GABRB3: variants seen among roughly 807,000 people sequenced by gnomAD.
GABRB3 encodes gamma-aminobutyric acid receptor subunit beta-3.
A neutral mutation model predicts 52.1 loss-of-function variants in GABRB3; 14 were observed. The observed-to-expected ratio is 0.27, with a 90% CI of 0.18 to 0.42. The LOEUF (loss-of-function observed/expected upper bound fraction) is 0.42. GABRB3 is among the 10% of genes least tolerant of loss of function. The pLI, the probability that GABRB3 is intolerant of heterozygous loss-of-function variation, is 1.00. For missense variants in GABRB3, 307 were observed against 609.1 expected (o/e 0.50, Z 5.22); for synonymous variants, 260 against 232.3 (o/e 1.12, Z -1.08).
At chr15:26,690,360 TA>T (rs1199693273) in intron 3 of GABRB3, among the ~76,000 whole-genome samples, 1 of 152,094 alleles carries the variant, frequency 6.6e-6, no homozygotes, top group Non-Finnish European at 1.5e-5. Context: ...ATTACAGACA[TA>T]AGCCACCATG....
intron 3 of GABRB3, among the ~76,000 whole-genome samples, chr15:26,634,135 A>AC: frequency 6.6e-6 from 1 of 151,498 alleles, no homozygotes; most frequent in South Asian, 2.1e-4. Flanking sequence ...GGAGAGGGGC[A>AC]CCCCCCTTTC....
intron 4 of GABRB3, among the ~76,000 whole-genome samples, chr15:26,585,991 TTTTGTTTG>T (rs112657892): frequency 3.3e-5 from 5 of 152,064 alleles, no homozygotes; most frequent in Non-Finnish European, 7.4e-5. Context: ...TTAATTTTCT[TTTTGTTTG>T]TTTGTTTGTT....
At chr15:26,550,314 C>G (rs182156515) in intron 8 of GABRB3, among the ~76,000 whole-genome samples, 81 of 152,042 alleles carry the variant, frequency 5.3e-4, no homozygotes, top group African/African-American at 1.9e-3. Context: ...TCAAATAATC[C>G]CATTAGAAAG....
Position 26,626,630 on chromosome 15 carries a change from C to G in GABRB3, c.241-5096G>C, listed in dbSNP as rs558634580. On this transcript the variant is annotated intron_variant, in intron 3 of 8. Transcript: ENST00000311550. ...TGCTGATATTGATAGAATATCAAAC[C>G]AGCCATAACGTTCCCTTAAGTCAAA... Among the ~76,000 whole-genome samples the G allele has an allele frequency of 4.9e-3, 742 of 152,290 alleles. 7 individuals carry two copies. The highest frequency in any genetic ancestry group is 0.017 in the African/African-American group (717 of 41,564).
Position 26,621,728 on chromosome 15 carries a change from G to GA in GABRB3, c.241-195dup, listed in dbSNP as rs1393159997. Among the ~76,000 whole-genome samples, 1 of 152,178 alleles carries GA rather than the reference G, an allele frequency of 6.6e-6. No homozygotes were observed. Among genetic ancestry groups the GA allele is most frequent in the Middle Eastern group, 3.2e-3 (1 of 316 alleles). On this transcript the variant is annotated intron_variant, in intron 3 of 8. Transcript: ENST00000311550. This position sits in a 1 kb window ranked among gnomAD's most constrained non-coding sequence, Gnocchi z 4.1. ...CAAATACCAGTTTTAATAGGTACAT[G>GA]AGTCTGTGTGTGTCACGTATAGATG...
intron 3 of GABRB3, among the ~76,000 whole-genome samples, chr15:26,771,558 C>T (rs1178395026): frequency 1.3e-5 from 2 of 152,248 alleles, no homozygotes; most frequent in African/African-American, 4.8e-5. Context: ...GTTTTCAAAT[C>T]CCACGGCGTT....
chr15:26,682,904 A>C (rs1888283117), intron 3 of GABRB3, among the ~76,000 whole-genome samples: 1 of 152,188 alleles, frequency 6.6e-6, no homozygotes, highest in Non-Finnish European at 1.5e-5. Context: ...CTCAGCCTGG[A>C]GCCCAAAGAG....
intron 3 of GABRB3, among the ~76,000 whole-genome samples, chr15:26,712,405 G>A (rs951320499): frequency 2.0e-5 from 3 of 152,096 alleles, no homozygotes; most frequent in African/African-American, 7.2e-5. Context: ...GAGCAGCAAG[G>A]AGGCTGGGAG....
intron 3 of GABRB3, among the ~76,000 whole-genome samples, chr15:26,652,312 C>G (rs1206006576): frequency 2.0e-5 from 3 of 152,274 alleles, no homozygotes; most frequent in Middle Eastern, 3.4e-3. Context: ...CATATTGAAC[C>G]AAACTGTAAA....
At chr15:26,639,057 A>G (rs1169580999) in intron 3 of GABRB3, among the ~76,000 whole-genome samples, 2 of 152,158 alleles carry the variant, frequency 1.3e-5, no homozygotes, top group African/African-American at 2.4e-5. Flanking sequence ...ACCTGACATG[A>G]CAGCAAGAAG....
At chr15:26,714,996 T>C (rs117380151) in intron 3 of GABRB3, among the ~76,000 whole-genome samples, 1,575 of 151,946 alleles carry the variant, frequency 0.01, 26 homozygotes, top group Admixed American at 0.056. Context: ...TGCAAAAAAA[T>C]TACAAAGCCA....
rs557955231 is a variant in GABRB3, at chr15:26,629,439, C to T, written c.241-7905G>A. On this transcript the variant is annotated intron_variant, in intron 3 of 8. Transcript: ENST00000311550. ...ACACCGGGAAGAGACAGGCTGTCTCCTGGCACTGGCTCTTGGCTGTGGCAC... is the reference window on the plus strand; with the variant it reads ...ACACCGGGAAGAGACAGGCTGTCTCTTGGCACTGGCTCTTGGCTGTGGCAC... 2.4e-4 allele frequency among the ~76,000 whole-genome samples: 36 copies of T among 152,344 alleles called. 1 individual carries two copies. Among genetic ancestry groups the T allele is most frequent in the African/African-American group, 8.2e-4 (34 of 41,582 alleles).
chr15:26,724,878 C>A (rs1056163915), intron 3 of GABRB3, among the ~76,000 whole-genome samples: 1 of 152,178 alleles, frequency 6.6e-6, no homozygotes, highest in East Asian at 1.9e-4. Context: ...TGGGAGGCTA[C>A]ACTTCCCAGC....
At position 26,636,389 on chromosome 15, in the gene GABRB3, T is replaced by A. The variant is rs1331799128; in HGVS notation, c.241-14855A>T. ...AAAACAGACTCTCCACCATTCTGGA[T>A]ACATGCTCTCCTGCCTTTCCTCCGA... On this transcript the variant is annotated intron_variant, in intron 3 of 8. Coordinates refer to ENST00000311550, the MANE Select transcript of GABRB3 (RefSeq NM_000814.6). Among the ~76,000 whole-genome samples the A allele has an allele frequency of 4.6e-5, 7 of 152,270 alleles. No individual in the cohort carries two copies. The South Asian group carries it at 1.0e-3, about 23-fold the overall frequency.
intron 3 of GABRB3, among the ~76,000 whole-genome samples, chr15:26,684,843 C>T (rs1888353157): frequency 6.6e-6 from 1 of 152,188 alleles, no homozygotes. Flanking sequence ...AGGATCGCTG[C>T]TCACAGGTCA....
chr15:26,690,851 T>C (rs1192437936), intron 3 of GABRB3, among the ~76,000 whole-genome samples: 1 of 150,956 alleles, frequency 6.6e-6, no homozygotes, highest in African/African-American at 2.4e-5. Flanking sequence ...TCTTGCTCTG[T>C]TTGATTCTGG....
chr15:26,679,636 C>A (rs761072992), intron 3 of GABRB3, among the ~76,000 whole-genome samples: 2 of 152,118 alleles, frequency 1.3e-5, no homozygotes, highest in African/African-American at 2.4e-5. Context: ...AGAACTGAAT[C>A]TAGGACCACC....
At chr15:26,747,941 T>G (rs1403104774) in intron 3 of GABRB3, among the ~76,000 whole-genome samples, 1 of 140,490 alleles carries the variant, frequency 7.1e-6, no homozygotes, top group South Asian at 2.5e-4. Flanking sequence ...GGGTATTGTA[T>G]TTTTCAAATG....
intron 4 of GABRB3, chr15:26,612,731 C>G (rs1892116021): frequency 6.6e-6 from 1 of 152,284 alleles, no homozygotes; most frequent in African/African-American, 2.4e-5. Flanking sequence ...ACAAGCTATA[C>G]TTTTAGGAAT....
Sources: gnomAD v4.1 joint callset for allele counts (sites outside exome capture counted in the v4.1 genomes callset) on GRCh38, gnomAD v4.1.1 for gene constraint, Gnocchi (gnomAD v3.1) non-coding constraint, MANE v1.5 for transcripts, NCBI Gene and HGNC (gene_info 2026-07-23, HGNC 2026-07-21) for gene names.